The following RANBP10 variants were observed in gnomAD, a reference collection of about 807,000 sequenced individuals.
The protein encoded by RANBP10 is RAN binding protein 10, also known as ran-binding protein 10.
RANBP10 carries 24 observed loss-of-function variants against 72.8 expected under a neutral mutation model. The observed-to-expected ratio is 0.33, with a 90% CI of 0.24 to 0.46. RANBP10 has a LOEUF of 0.46. RANBP10 is among the 20% of genes least tolerant of loss of function. The pLI is 1.00. For missense variants in RANBP10, 679 were observed against 817.5 expected (o/e 0.83, Z 2.07); for synonymous variants, 310 against 322.3 (o/e 0.96, Z 0.41).
At chr16:67,746,431 A>T (rs1216536573) in intron 3 of RANBP10, among the ~76,000 whole-genome samples, 1 of 151,978 alleles carries the variant, frequency 6.6e-6, no homozygotes, top group Non-Finnish European at 1.5e-5. Flanking sequence ...CAGTGAGCCG[A>T]GATCGCGCCA....
intron 3 of RANBP10, among the ~76,000 whole-genome samples, chr16:67,763,193 A>G (rs1327144978): frequency 6.6e-6 from 1 of 152,190 alleles, no homozygotes; most frequent in African/African-American, 2.4e-5. Flanking sequence ...GTGCATACAG[A>G]GAGGAGAGCA....
intron 4 of RANBP10, among the ~76,000 whole-genome samples, chr16:67,743,234 T>C (rs1229656670): frequency 1.3e-5 from 2 of 152,196 alleles, no homozygotes; most frequent in African/African-American, 4.8e-5. Context: ...AAATGGGACT[T>C]CTAGGAGTTG....
At chr16:67,751,873 G>A (rs909933333) in intron 3 of RANBP10, among the ~76,000 whole-genome samples, 11 of 150,984 alleles carry the variant, frequency 7.3e-5, no homozygotes, top group Non-Finnish European at 1.3e-4. Context: ...CTGAAATCGC[G>A]CCACTTCACT....
chr16:67,761,846 T>C (rs1349317968), intron 3 of RANBP10, among the ~76,000 whole-genome samples: 2 of 152,188 alleles, frequency 1.3e-5, no homozygotes, highest in African/African-American at 4.8e-5. Flanking sequence ...GCTGGAGTTA[T>C]AGGCGTAAGC....
At chr16:67,799,280 C>A (rs1055026287) in intron 2 of RANBP10, among the ~76,000 whole-genome samples, 1 of 146,042 alleles carries the variant, frequency 6.8e-6, no homozygotes, top group African/African-American at 2.6e-5. Context: ...CTGCGCTCCA[C>A]ATCTCTTTTT....
chr16:67,786,064 A>G (rs1045031304), intron 2 of RANBP10, among the ~76,000 whole-genome samples: 1 of 151,890 alleles, frequency 6.6e-6, no homozygotes, highest in African/African-American at 2.4e-5. Context: ...GGTAGCTCAC[A>G]TCTGTAATAC....
rs539997916 is a variant in RANBP10, at chr16:67,774,156, C to G, written c.348-2070G>C. The stretch of plus-strand genomic sequence containing the variant: ...AGCAGTCCAACAGGCACAAGTGCAA[C>G]AGTCAGGGCTTTCCCTGATTTAGAC... On this transcript the variant is annotated intron_variant, in intron 2 of 13. Coordinates refer to ENST00000317506, the MANE Select transcript of RANBP10 (RefSeq NM_020850.3). Among the ~76,000 whole-genome samples the G allele has an allele frequency of 2.0e-5, 3 of 152,230 alleles. No homozygotes were observed. The East Asian group carries it at 5.8e-4, about 29-fold the overall frequency.
intron 2 of RANBP10, among the ~76,000 whole-genome samples, chr16:67,799,099 C>T (rs559225493): frequency 2.8e-4 from 43 of 151,418 alleles, no homozygotes; most frequent in African/African-American, 1.0e-3. Flanking sequence ...TAGCGCCTGG[C>T]TAATTTTTGT....
At position 67,806,528 on chromosome 16, in the gene RANBP10, T is replaced by C. The variant is rs1164087802; in HGVS notation, c.9A>G (p.Ala3=). 13 of 1,506,548 alleles carry C rather than the reference T, an allele frequency of 8.6e-6. No homozygotes were observed. The highest frequency in any genetic ancestry group is 4.4e-5 in the Admixed American group (2 of 44,968). The allele number at this position is 1,506,548 out of a possible 1,614,324, so 93.3% of individuals were successfully genotyped here. ...TCCCAGCTCCCGGGTCTGCCGTCGC[T>C]GCCGCCATCTTGGAGGGAGCTACTA... The part of the protein sequence containing the change: MA[A]ATADPGAGNP... The change falls in exon 1 of 14, where the codon GCA becomes GCG. Residue 3 remains alanine (A), a synonymous_variant. Transcript: ENST00000317506.
At chr16:67,781,379 T>A (rs1276971806) in intron 2 of RANBP10, among the ~76,000 whole-genome samples, 1 of 152,106 alleles carries the variant, frequency 6.6e-6, no homozygotes, top group Non-Finnish European at 1.5e-5. Flanking sequence ...CCTGCCTGGG[T>A]CAGCCTGGGA....
intron 5 of RANBP10, among the ~76,000 whole-genome samples, chr16:67,736,600 T>G (rs1341401207): frequency 6.6e-6 from 1 of 152,136 alleles, no homozygotes; most frequent in Non-Finnish European, 1.5e-5. Flanking sequence ...AAGGCCCGCC[T>G]CCTCCAGCAA....
rs545034056 is a variant in RANBP10, at chr16:67,801,103, T to C, written c.347+4325A>G. On this transcript the variant is annotated intron_variant, in intron 2 of 13. Transcript: ENST00000317506. ...TTAGTGTGTTCTTCTCCAAAAGATATTGTCAAAACAAAGGACGTTCTGGAG... is the reference window on the plus strand; with the variant it reads ...TTAGTGTGTTCTTCTCCAAAAGATACTGTCAAAACAAAGGACGTTCTGGAG... Among the ~76,000 whole-genome samples, 5 of 152,308 alleles carry C rather than the reference T, an allele frequency of 3.3e-5. No individual in the cohort carries two copies. In the South Asian group the frequency reaches 1.0e-3, roughly 32 times the overall value.
intron 3 of RANBP10, among the ~76,000 whole-genome samples, chr16:67,754,328 A>G (rs1431827178): frequency 6.6e-6 from 1 of 152,192 alleles, no homozygotes; most frequent in Admixed American, 6.5e-5. Flanking sequence ...CTCATTAAAC[A>G]GTGGTGTGGA....
rs751756862 is a variant in RANBP10, at chr16:67,729,766, C to T, written c.1061G>A (p.Arg354Gln). 3.0e-5 allele frequency: 48 copies of T among 1,613,966 alleles called. No individual in the cohort carries two copies. The highest frequency in any genetic ancestry group is 8.3e-5 in the Admixed American group (5 of 60,004). The change falls in exon 9 of 14, where the codon CGA becomes CAA. Residue 354 changes from arginine to glutamine, a missense_variant. Transcript: ENST00000317506. This position sits in a 1 kb window ranked among gnomAD's most constrained non-coding sequence, Gnocchi z 7.1. ...TDSEVRSLSS[R>Q]SPKSQDSYPG... ...GTAGCTGTCCTGGGACTTGGGGCTTCGGGAGCTCAAACTTCGGACCTCACT... is the reference window on the plus strand; with the variant it reads ...GTAGCTGTCCTGGGACTTGGGGCTTTGGGAGCTCAAACTTCGGACCTCACT...
intron 2 of RANBP10, among the ~76,000 whole-genome samples, chr16:67,781,532 C>T (rs990870872): frequency 2.0e-5 from 3 of 152,134 alleles, no homozygotes; most frequent in African/African-American, 7.2e-5. Context: ...GAATTATTTA[C>T]GCTATGACAC....
intron 2 of RANBP10, among the ~76,000 whole-genome samples, chr16:67,786,547 T>C (rs189723260): frequency 1.3e-5 from 2 of 152,104 alleles, no homozygotes; most frequent in Admixed American, 1.3e-4. Context: ...AATAAGCACA[T>C]AACAAGATCC....
Position 67,724,577 on chromosome 16 carries a change from T to G in RANBP10, c.*1851A>C, listed in dbSNP as rs768554602. The G allele has an allele frequency of 1.3e-5, 2 of 152,284 alleles. No homozygotes were observed. The highest frequency in any genetic ancestry group is 4.8e-5 in the African/African-American group (2 of 41,478). 9.4% of individuals were successfully genotyped at this position (152,284 alleles called of 1,614,324 possible). A position where few individuals can be genotyped will look rare whatever the true frequency, so the allele number is the denominator to read the frequency against. On this transcript the variant is annotated 3_prime_UTR_variant, in exon 14 of 14. Transcript: ENST00000317506. The stretch of plus-strand genomic sequence containing the variant: ...ACGCCTCCTAACAGGCCATGGTCTA[T>G]GGGTCTGCCAGCCCCAAGGACCAAG...
chr16:67,745,939 C>T (rs769091289), intron 3 of RANBP10, among the ~76,000 whole-genome samples: 17 of 151,874 alleles, frequency 1.1e-4, no homozygotes, highest in Middle Eastern at 6.8e-3. Flanking sequence ...GGTGGATCAA[C>T]TGAGGTCGGG....
At chr16:67,791,417 C>T (rs1019680210) in intron 2 of RANBP10, among the ~76,000 whole-genome samples, 7 of 152,070 alleles carry the variant, frequency 4.6e-5, no homozygotes, top group African/African-American at 7.2e-5. Context: ...CAATGGGGCT[C>T]GACGTTTTAA....
Sources: allele counts gnomAD v4.1 joint callset (sites outside exome capture counted in the v4.1 genomes callset), GRCh38; gene constraint gnomAD v4.1.1; non-coding constraint Gnocchi (gnomAD v3.1); transcripts MANE v1.5; gene names NCBI Gene and HGNC (gene_info 2026-07-23, HGNC 2026-07-21).